Variants in BRD8 observed in about 807,000 individuals in gnomAD.
The protein encoded by BRD8 is bromodomain containing 8.
In BRD8, 67 loss-of-function variants were observed where a neutral mutation model predicts 143.1. The observed-to-expected ratio is 0.47, with a 90% CI of 0.38 to 0.57. BRD8 has a LOEUF of 0.57. Ranked by LOEUF, BRD8 falls within the 20% of genes least tolerant of loss-of-function variation. The pLI, the probability that BRD8 is intolerant of heterozygous loss-of-function variation, is 0.00. For synonymous variants in BRD8, 505 were observed against 517.1 expected, an observed-to-expected ratio of 0.98 and a Z score of 0.32; for missense variants, 1,103 against 1,503.0, an observed-to-expected ratio of 0.73 and a Z score of 4.40.
intron 20 of BRD8, among the ~76,000 whole-genome samples, chr5:138,154,075 A>G (rs759224226): frequency 2.0e-5 from 3 of 152,068 alleles, no homozygotes; most frequent in African/African-American, 2.4e-5. Context: ...TTCTCCCACA[A>G]TAAGTTTTCT....
intron 20 of BRD8, among the ~76,000 whole-genome samples, chr5:138,155,056 A>G (rs1752527096): frequency 2.0e-5 from 3 of 151,752 alleles, no homozygotes; most frequent in South Asian, 2.1e-4. Flanking sequence ...GTCTTGAACT[A>G]CTGACCTCAA....
At chr5:138,176,882 C>T (rs1411948156) in intron 2 of BRD8, among the ~76,000 whole-genome samples, 4 of 151,204 alleles carry the variant, frequency 2.6e-5, no homozygotes, top group East Asian at 3.9e-4. Context: ...CGCAGGAGTT[C>T]GAGACCAGCC....
At chr5:138,166,342 C>G in intron 10 of BRD8, 176 bp downstream of exon 10, 5 of 618,044 alleles carry the variant, frequency 8.1e-6, no homozygotes, top group Non-Finnish European at 1.1e-5. Context: ...ACATAAATGC[C>G]CACCCACCTC....
At chr5:138,163,812 TCTC>T (rs1433224763) in intron 14 of BRD8, among the ~76,000 whole-genome samples, 1 of 152,192 alleles carries the variant, frequency 6.6e-6, no homozygotes, top group Non-Finnish European at 1.5e-5. Flanking sequence ...TCCTGTATGT[TCTC>T]CTTGGCTCAG....
intron 14 of BRD8, 147 bp downstream of exon 14, chr5:138,163,940 C>T (rs1029772988): frequency 5.4e-6 from 5 of 928,308 alleles, no homozygotes; most frequent in Non-Finnish European, 8.4e-6. Flanking sequence ...TCCCATTATG[C>T]CTGTCTACTG....
intron 20 of BRD8, among the ~76,000 whole-genome samples, chr5:138,155,127 G>C (rs928709367): frequency 6.8e-6 from 1 of 147,352 alleles, no homozygotes; most frequent in Non-Finnish European, 1.5e-5. Flanking sequence ...CACGGTGCCC[G>C]GCACTATTTC....
intron 25 of BRD8, among the ~76,000 whole-genome samples, chr5:138,143,289 AT>A (rs1255238059): frequency 6.6e-6 from 1 of 152,130 alleles, no homozygotes; most frequent in Non-Finnish European, 1.5e-5. Context: ...GTCTCAAAAA[AT>A]AATAGTAAGT....
At chr5:138,156,861 C>CACACAT (rs1208571938) in intron 20 of BRD8, 3 of 1,062,758 alleles carry the variant, frequency 2.8e-6, no homozygotes, top group African/African-American at 1.7e-5. Flanking sequence ...CACACACACA[C>CACACAT]ACACACAGAA....
At chr5:138,161,914 G>C (rs1753028069) in intron 16 of BRD8, 50 bp from the exon 17 acceptor site, 2 of 1,601,004 alleles carry the variant, frequency 1.2e-6, no homozygotes, top group South Asian at 2.2e-5. Flanking sequence ...AGAAGTGCAG[G>C]GAGGGAACTT....
At chr5:138,160,211 G>C (rs1211350147) in intron 18 of BRD8, 38 bp from the exon 19 acceptor site, 2 of 1,410,158 alleles carry the variant, frequency 1.4e-6, no homozygotes, top group Admixed American at 1.7e-5. Context: ...ATGGAGACCT[G>C]ATTTAGTAGG....
intron 23 of BRD8, among the ~76,000 whole-genome samples, chr5:138,149,407 C>G (rs1752291197): frequency 6.6e-6 from 1 of 152,076 alleles, no homozygotes; most frequent in Non-Finnish European, 1.5e-5. Flanking sequence ...GTGTGAGCCA[C>G]CACACCTAGC....
At chr5:138,162,224 G>GA in intron 15 of BRD8, 78 bp from the exon 16 acceptor site, 1 of 1,156,264 alleles carries the variant, frequency 8.6e-7, no homozygotes. Flanking sequence ...TTTTGAGACA[G>GA]GGTCTCACTC....
At chr5:138,168,308 T>A (rs568044262) in intron 8 of BRD8, among the ~76,000 whole-genome samples, 1 of 152,364 alleles carries the variant, frequency 6.6e-6, no homozygotes, top group East Asian at 1.9e-4. Flanking sequence ...TCAGGACCCA[T>A]GGGTACTATC....
chr5:138,172,415 C>T (rs567287460), intron 2 of BRD8, among the ~76,000 whole-genome samples: 2 of 145,408 alleles, frequency 1.4e-5, no homozygotes, highest in East Asian at 4.3e-4. Flanking sequence ...CCCAGCTACT[C>T]GGGAGGCTGA....
At chr5:138,162,373 T>C (rs1355961076) in intron 15 of BRD8, among the ~76,000 whole-genome samples, 1 of 151,992 alleles carries the variant, frequency 6.6e-6, no homozygotes, top group African/African-American at 2.4e-5. Flanking sequence ...TTTTTAATTT[T>C]TTTGTAGAGA....
At chr5:138,148,690 A>AT (rs956513259) in intron 23 of BRD8, among the ~76,000 whole-genome samples, 4 of 151,922 alleles carry the variant, frequency 2.6e-5, no homozygotes, top group African/African-American at 4.8e-5. Context: ...TTAAAAAAAA[A>AT]TTTTTTTATC....
chr5:138,140,603 TA>T, intron 26 of BRD8, 101 bp downstream of exon 26: 1 of 1,374,730 alleles, frequency 7.3e-7, no homozygotes, highest in Non-Finnish European at 1.0e-6. Flanking sequence ...TAATCACCTT[TA>T]AAAATAAACT....
Position 138,162,079 on chromosome 5 carries a change from C to T in BRD8, c.2155G>A (p.Val719Ile), listed in dbSNP as rs1365794583. 1 of 1,613,876 alleles carries T rather than the reference C, an allele frequency of 6.2e-7. No homozygotes were observed. Among genetic ancestry groups the T allele is most frequent in the Non-Finnish European group, 8.5e-7 (1 of 1,179,926 alleles). ...CTATGATTAGCTGCAGCTCTCCATA[C>T]AAGCATGATGGCTTTCTTCCAAATT... Reference protein sequence around the residue: ...QKIWKKAIMLVWRAAANHRYA... With the variant: ...QKIWKKAIMLIWRAAANHRYA... The change falls in exon 16 of 27, where the codon GTA becomes ATA. Residue 719 changes from valine to isoleucine, a missense_variant. Physicochemically the swap from Val to Ile is conservative, Grantham distance 29. Coordinates refer to ENST00000254900, the MANE Select transcript of BRD8 (RefSeq NM_139199.2).
At chr5:138,174,944 C>T (rs950230549) in intron 2 of BRD8, among the ~76,000 whole-genome samples, 9 of 148,670 alleles carry the variant, frequency 6.1e-5, no homozygotes, top group Admixed American at 4.7e-4. Flanking sequence ...GGCTGGAGTG[C>T]AGTGGCACGA....
Sources: gnomAD v4.1 joint callset for allele counts (sites outside exome capture counted in the v4.1 genomes callset) on GRCh38, gnomAD v4.1.1 for gene constraint, MANE v1.5 for transcripts, NCBI Gene and HGNC (gene_info 2026-07-23, HGNC 2026-07-21) for gene names.